DNAH8: variants seen among roughly 807,000 people sequenced by gnomAD.
The protein encoded by DNAH8 is dynein axonemal heavy chain 8, also known as axonemal beta dynein heavy chain 8.
In DNAH8, 382 loss-of-function variants were observed where a neutral mutation model predicts 562.1. That is an observed-to-expected ratio of 0.68 (90% CI 0.63 to 0.74). DNAH8 has a LOEUF of 0.74. Ranked by LOEUF, DNAH8 falls within the 30% of genes least tolerant of loss-of-function variation. DNAH8 has a pLI of 0.00. For synonymous variants in DNAH8, 1,881 were observed against 1,919.4 expected, an observed-to-expected ratio of 0.98 and a Z score of 0.52; for missense variants, 5,203 against 5,620.4, an observed-to-expected ratio of 0.93 and a Z score of 2.37.
chr6:38,717,811 A>ATT (rs1281342083), intron 1 of DNAH8, among the ~76,000 whole-genome samples: 1 of 151,992 alleles, frequency 6.6e-6, no homozygotes, highest in Admixed American at 6.6e-5. Context: ...ACTGATTACA[A>ATT]TTTTTTTGCA....
intron 79 of DNAH8, among the ~76,000 whole-genome samples, 175 bp from the exon 80 acceptor site, chr6:38,945,292 C>T (rs1310066023): frequency 2.0e-5 from 3 of 152,114 alleles, no homozygotes; most frequent in African/African-American, 4.8e-5. Flanking sequence ...AAATAAAACA[C>T]TAAGACTTGA....
chr6:38,721,357 A>G (rs1012147875), intron 1 of DNAH8, among the ~76,000 whole-genome samples: 6 of 151,956 alleles, frequency 3.9e-5, no homozygotes, highest in Admixed American at 6.6e-5. Context: ...CAAATAAATA[A>G]ATTAGCCAGG....
chr6:38,882,969 C>G lies in DNAH8; in HGVS notation c.7918C>G (p.Pro2640Ala). Residue 2640 changes from proline to alanine, a missense_variant, in exon 54 of 93, where the codon CCG becomes GCG. By Grantham distance (27) the Pro-to-Ala change is conservative. Around this residue, in one of 6 missense-constraint regions of DNAH8, gnomAD observed 977 missense variants for 1,061.8 expected, o/e 0.92. Coordinates refer to ENST00000327475, the MANE Select transcript of DNAH8 (RefSeq NM_001206927.2). ...TTATTATTATCCAACTGACAGTATT[C>G]CGGAATATTCATCAATTTTGGTTCC... ...QPYYYPTDSI[P>A]EYSSILVPNV... The G allele has an allele frequency of 2.5e-6, 4 of 1,604,904 alleles. No individual in the cohort carries two copies. Among genetic ancestry groups the G allele is most frequent in the Non-Finnish European group, 3.4e-6 (4 of 1,176,574 alleles).
In DNAH8 at chr6:38,929,538, C is replaced by T. The variant is rs758179326; in HGVS notation, c.11146C>T (p.Arg3716Cys). ...GACATCTCTGAACCATAAATATTTT[C>T]GCACACACTTGGAGGACAGCCTTTC... is the stretch of plus-strand genomic sequence containing the variant. ...QVTSLNHKYF[R>C]THLEDSLSLG... Residue 3716 changes from arginine to cysteine, a missense_variant, in exon 75 of 93, where the codon CGC (arginine) becomes TGC (cysteine). This residue lies in a region of DNAH8 where 1,399 missense variants were observed against 1,518.4 expected (regional missense o/e 0.92). Coordinates refer to ENST00000327475, the MANE Select transcript of DNAH8 (RefSeq NM_001206927.2). The T allele has an allele frequency of 2.7e-5, 44 of 1,612,026 alleles. No homozygotes were observed. The highest frequency in any genetic ancestry group is 3.4e-5 in the Non-Finnish European group (40 of 1,179,048).
intron 8 of DNAH8, among the ~76,000 whole-genome samples, chr6:38,744,737 C>G (rs902086902): frequency 1.3e-5 from 2 of 152,224 alleles, no homozygotes; most frequent in Middle Eastern, 3.4e-3. Context: ...AGACTACAGG[C>G]ATGTGCCAAT....
chr6:38,734,423 C>T, intron 4 of DNAH8, 51 bp from the exon 5 acceptor site: 1 of 1,561,476 alleles, frequency 6.4e-7, no homozygotes, highest in African/African-American at 1.4e-5. Context: ...TAACTTATCT[C>T]ATTTGATTAG....
At chr6:38,816,494 G>A (rs1374419985) in intron 26 of DNAH8, among the ~76,000 whole-genome samples, 2 of 152,094 alleles carry the variant, frequency 1.3e-5, no homozygotes, top group Non-Finnish European at 2.9e-5. Context: ...CCATTGATGG[G>A]CATTTGGGTT....
Position 39,008,827 on chromosome 6 carries a change from A to G in DNAH8, c.13228A>G (p.Thr4410Ala), listed in dbSNP as rs1380705924. Residue 4410 changes from threonine (T) to alanine (A), a missense_variant, in exon 89 of 93, where the codon ACT becomes GCT. This residue lies in a region of DNAH8 where 1,399 missense variants were observed against 1,518.4 expected (regional missense o/e 0.92). Coordinates refer to ENST00000327475, the MANE Select transcript of DNAH8 (RefSeq NM_001206927.2). ...PNADITYQSNTASAVLETITN... is the reference protein window; with the variant it reads ...PNADITYQSNAASAVLETITN... ...TCTTTTTACTAGGTATCAGAGTAAC[A>G]CTGCTTCTGCTGTTCTTGAAACAAT... The G allele has an allele frequency of 6.2e-7, 1 of 1,605,848 alleles. No individual in the cohort carries two copies. The highest frequency in any genetic ancestry group is 8.5e-7 in the Non-Finnish European group (1 of 1,173,104).
intron 91 of DNAH8, among the ~76,000 whole-genome samples, chr6:39,017,710 C>T (rs761459310): frequency 3.9e-5 from 6 of 152,254 alleles, no homozygotes; most frequent in Middle Eastern, 6.8e-3. Flanking sequence ...CAACTTCTTC[C>T]GTAATGCAAA....
intron 9 of DNAH8, among the ~76,000 whole-genome samples, chr6:38,752,997 T>C (rs1765596839): frequency 6.6e-6 from 1 of 152,130 alleles, no homozygotes; most frequent in Admixed American, 6.6e-5. Context: ...GTATATGACA[T>C]GATGCTGAGG....
At chr6:38,918,247 G>A in intron 70 of DNAH8, 107 bp downstream of exon 70, 1 of 744,032 alleles carries the variant, frequency 1.3e-6, no homozygotes. Flanking sequence ...AAAGGTAGAT[G>A]TCCCTGTTAC....
intron 38 of DNAH8, among the ~76,000 whole-genome samples, 174 bp from the exon 39 acceptor site, chr6:38,851,398 C>T (rs16891126): frequency 0.015 from 2,327 of 152,204 alleles, 95 homozygotes; most frequent in East Asian, 0.15. Context: ...AAGTGTCATC[C>T]ATGGTGGAGC....
intron 91 of DNAH8, among the ~76,000 whole-genome samples, chr6:39,019,507 T>C (rs1278186599): frequency 6.6e-6 from 1 of 152,202 alleles, no homozygotes; most frequent in African/African-American, 2.4e-5. Context: ...GAGAATTCTG[T>C]TGAGGCTCTT....
chr6:38,854,296 T>A (rs1832995899), intron 41 of DNAH8, among the ~76,000 whole-genome samples: 1 of 151,942 alleles, frequency 6.6e-6, no homozygotes, highest in South Asian at 2.1e-4. Context: ...TCAAGAGAAA[T>A]GAAAAGTGAT....
In DNAH8 at chr6:38,866,680, A is replaced by G; in HGVS notation, c.6585+3A>G. ...CTATGATGGTTCCTGATAGACAGGT[A>G]TGCACTAGGATTTAAAAGCATAATG... On this transcript the variant is annotated splice_donor_region_variant and intron_variant, in intron 46 of 92. Coordinates refer to ENST00000327475, the MANE Select transcript of DNAH8 (RefSeq NM_001206927.2). The G allele has an allele frequency of 1.2e-6, 2 of 1,610,320 alleles. No homozygotes were observed. The highest frequency in any genetic ancestry group is 1.7e-5 in the Admixed American group (1 of 59,668).
At chr6:38,897,161 G>A (rs1054636198) in intron 60 of DNAH8, among the ~76,000 whole-genome samples, 99 of 151,980 alleles carry the variant, frequency 6.5e-4, no homozygotes, top group Admixed American at 5.2e-4. Flanking sequence ...CACCATGCCC[G>A]GCTGATTTTT....
chr6:38,780,749 T>G (rs1354414275), intron 15 of DNAH8, among the ~76,000 whole-genome samples: 1 of 152,134 alleles, frequency 6.6e-6, no homozygotes, highest in Admixed American at 6.6e-5. Flanking sequence ...GCTTAACACC[T>G]GGGTGATGAA....
At chr6:38,758,472 A>G (rs1766151182) in intron 10 of DNAH8, among the ~76,000 whole-genome samples, 1 of 150,408 alleles carries the variant, frequency 6.6e-6, no homozygotes, top group South Asian at 2.1e-4. Context: ...TGTCATCTGC[A>G]AACAGGGACA....
In DNAH8 at chr6:38,779,981, C is replaced by CTTTTAGGTTTCTA. The variant is rs1768422302; in HGVS notation, c.2055_2056insTTTTAGGTTTCTA (p.Ile686PhefsTer2). On this transcript the variant is annotated stop_gained and frameshift_variant, in exon 15 of 93. Coordinates refer to ENST00000327475, the MANE Select transcript of DNAH8 (RefSeq NM_001206927.2). LOFTEE classifies it high-confidence loss of function. Reference sequence around the variant, plus strand: ...TTACTTTTAGGTTTCAGAAGCTGAACATTCCCTGTCTGGGATTAGAAATAA... The same window carrying CTTTTAGGTTTCTA: ...TTACTTTTAGGTTTCAGAAGCTGAACTTTTAGGTTTCTAATTCCCTGTCTGGGATTAGAAATAA... The CTTTTAGGTTTCTA allele has an allele frequency of 6.2e-7, 1 of 1,613,860 alleles. No homozygotes were observed. The highest frequency in any genetic ancestry group is 1.7e-5 in the Admixed American group (1 of 59,994).
Sources: allele counts gnomAD v4.1 joint callset (sites outside exome capture counted in the v4.1 genomes callset), GRCh38; gene constraint gnomAD v4.1.1; regional missense constraint gnomAD v4.1.1; transcripts MANE v1.5; gene names NCBI Gene and HGNC (gene_info 2026-07-23, HGNC 2026-07-21).